TSNAXIP1: variants seen among roughly 807,000 people sequenced by gnomAD.
TSNAXIP1 encodes translin associated factor X interacting protein 1, also known as translin-associated factor X-interacting protein 1.
A neutral mutation model predicts 84.8 loss-of-function variants in TSNAXIP1; 89 were observed. The ratio of observed to expected loss-of-function variants is 1.05; its 90% CI spans 0.88 to 1.25. The LOEUF (loss-of-function observed/expected upper bound fraction) is 1.25, where lower values mean the gene tolerates loss of function less well. Among genes scored for constraint, TSNAXIP1 ranks in the 50% most tolerant of loss-of-function variants. The pLI is 0.00. For synonymous variants in TSNAXIP1, 347 were observed against 335.2 expected (o/e 1.04, Z -0.39); for missense variants, 874 against 887.6 (o/e 0.98, Z 0.20).
chr16:67,827,636 G>A, intron 15 of TSNAXIP1, 57 bp downstream of exon 15: 1 of 1,611,834 alleles, frequency 6.2e-7, no homozygotes, highest in Non-Finnish European at 8.5e-7. Flanking sequence ...AAGCCCCTGG[G>A]TCTCCCTGTG....
intron 2 of TSNAXIP1, among the ~76,000 whole-genome samples, chr16:67,815,060 A>G (rs937213173): frequency 6.6e-6 from 1 of 152,002 alleles, no homozygotes; most frequent in Non-Finnish European, 1.5e-5. Context: ...ACTCATGCCT[A>G]TAATCCCAGT....
chr16:67,813,972 G>T (rs139943304), intron 1 of TSNAXIP1, among the ~76,000 whole-genome samples: 1 of 152,240 alleles, frequency 6.6e-6, no homozygotes, highest in Non-Finnish European at 1.5e-5. Flanking sequence ...GAGTATGCCA[G>T]AGTTGTGTAC....
chr16:67,823,538 G>C (rs774929001), intron 4 of TSNAXIP1, 88 bp from the exon 5 acceptor site: 7 of 1,057,684 alleles, frequency 6.6e-6, no homozygotes, highest in Non-Finnish European at 9.9e-6. Flanking sequence ...GCGACACTCC[G>C]TCTCAGGAAA....
intron 4 of TSNAXIP1, among the ~76,000 whole-genome samples, chr16:67,823,371 C>T (rs2057206211): frequency 6.6e-6 from 1 of 151,824 alleles, no homozygotes; most frequent in African/African-American, 2.4e-5. Context: ...GGTGAAACCT[C>T]ATCTCTACTA....
chr16:67,825,631 C>A, intron 7 of TSNAXIP1, 36 bp from the exon 8 acceptor site: 1 of 1,584,700 alleles, frequency 6.3e-7, no homozygotes, highest in African/African-American at 1.3e-5. Context: ...GAGAAAGCCA[C>A]GGTGACACGG....
intron 1 of TSNAXIP1, among the ~76,000 whole-genome samples, chr16:67,811,981 T>G (rs2056126699): frequency 6.6e-6 from 1 of 152,204 alleles, no homozygotes; most frequent in African/African-American, 2.4e-5. Flanking sequence ...CTGAGCAGCA[T>G]TACAGGGCAG....
intron 2 of TSNAXIP1, among the ~76,000 whole-genome samples, chr16:67,815,132 A>G (rs1223262725): frequency 1.3e-5 from 2 of 152,014 alleles, no homozygotes; most frequent in Admixed American, 1.3e-4. Flanking sequence ...CTTGGCCAAC[A>G]TGGCGAAACC....
chr16:67,825,802 T>A lies in TSNAXIP1; in HGVS notation c.950T>A (p.Met317Lys). Residue 317 changes from methionine (M) to lysine (K), a missense_variant, in exon 8 of 16, where the codon ATG becomes AAG. Transcript: ENST00000561639. Reference sequence around the variant, plus strand: ...GTGGTCCCCAGGAGGGACTTTGAAATGCAGGAGAAGACCAACAAGGATCTT... The same window carrying A: ...GTGGTCCCCAGGAGGGACTTTGAAAAGCAGGAGAAGACCAACAAGGATCTT... Reference protein sequence around the residue: ...GDVVPRRDFEMQEKTNKDLQE... With the variant: ...GDVVPRRDFEKQEKTNKDLQE... 4 of 1,614,020 alleles carry A rather than the reference T, an allele frequency of 2.5e-6. No homozygotes were observed. Among genetic ancestry groups the A allele is most frequent in the Non-Finnish European group, 2.5e-6 (3 of 1,179,974 alleles).
At chr16:67,809,542 G>T (rs1597973645) in intron 1 of TSNAXIP1, among the ~76,000 whole-genome samples, 1 of 151,994 alleles carries the variant, frequency 6.6e-6, no homozygotes, top group African/African-American at 2.4e-5. Context: ...AGAATTGCTT[G>T]AACCCAGGAG....
At position 67,824,454 on chromosome 16, in the gene TSNAXIP1, T is replaced by C. The variant is rs571840978; in HGVS notation, c.482-129T>C. On this transcript the variant is annotated intron_variant, in intron 5 of 15. Coordinates refer to ENST00000561639, the MANE Select transcript of TSNAXIP1 (RefSeq NM_001288990.3). ...GAAGGCCTGAAACAGGGACCATGGC[T>C]TTGAACAAGGCATGCAGAGATTCTT... 67 of 871,228 alleles carry C rather than the reference T, an allele frequency of 7.7e-5. No individual in the cohort carries two copies. The East Asian group carries it at 1.6e-3, about 21-fold the overall frequency. 54.0% of individuals were successfully genotyped at this position (871,228 alleles called of 1,614,324 possible).
At position 67,826,045 on chromosome 16, in the gene TSNAXIP1, C is replaced by A. The variant is rs766201077; in HGVS notation, c.1113C>A (p.Ser371=). 2.5e-6 allele frequency: 4 copies of A among 1,613,780 alleles called. No individual in the cohort carries two copies. The South Asian group carries it at 4.4e-5, about 18-fold the overall frequency. Residue 371 remains serine (S), a synonymous_variant, in exon 9 of 16, where the codon TCC becomes TCA. Transcript: ENST00000561639. ...AGCTGCAGGAGATCCAGCGCACTTC[C>A]ACGCCGCGGCCTGACTGGACCAAGT... The part of the protein sequence containing the change: ...FSELQEIQRT[S]TPRPDWTKCK...
chr16:67,821,732 G>A (rs1320347021), intron 4 of TSNAXIP1, among the ~76,000 whole-genome samples: 1 of 152,088 alleles, frequency 6.6e-6, no homozygotes, highest in Non-Finnish European at 1.5e-5. Context: ...GCTCATGCCT[G>A]TAATCCCAGC....
At chr16:67,807,291 C>T (rs1203885693) in intron 1 of TSNAXIP1, 95 bp downstream of exon 1, 1 of 1,534,918 alleles carries the variant, frequency 6.5e-7, no homozygotes, top group African/African-American at 1.4e-5. Context: ...CTCCTGCTGG[C>T]CTCTGACCAT....
chr16:67,826,735 G>A lies in TSNAXIP1; in HGVS notation c.1445G>A (p.Arg482His), dbSNP rs763591980. ...PDFFFNFLEH[R>H]FGPSDAMAWA... The stretch of plus-strand genomic sequence containing the variant: ...TTCTTCTTCAATTTCCTGGAGCATC[G>A]CTTTGGGCCCAGTGATGCCATGGCC... The change falls in exon 12 of 16, where the codon CGC becomes CAC. Residue 482 changes from arginine to histidine, a missense_variant. Physicochemically the swap from Arg to His is conservative, Grantham distance 29. Coordinates refer to ENST00000561639, the MANE Select transcript of TSNAXIP1 (RefSeq NM_001288990.3). 8.1e-6 allele frequency: 13 copies of A among 1,613,942 alleles called. No homozygotes were observed. Among genetic ancestry groups the A allele is most frequent in the East Asian group, 4.5e-5 (2 of 44,890 alleles).
Position 67,826,292 on chromosome 16 carries a change from GC to G in TSNAXIP1, c.1275+14del. The G allele has an allele frequency of 6.3e-7, 1 of 1,575,542 alleles. No homozygotes were observed. Among genetic ancestry groups the G allele is most frequent in the Non-Finnish European group, 8.6e-7 (1 of 1,159,078 alleles). On this transcript the variant is annotated intron_variant, in intron 10 of 15. Coordinates refer to ENST00000561639, the MANE Select transcript of TSNAXIP1 (RefSeq NM_001288990.3). ...CTTCTTCCCTGGTCTGGTAGGGGAG[GC>G]CCCAGGAGTGGGGCTTGGGCCAGAG...
intron 2 of TSNAXIP1, among the ~76,000 whole-genome samples, chr16:67,819,481 T>G (rs2056856995): frequency 1.3e-5 from 2 of 151,842 alleles, no homozygotes; most frequent in African/African-American, 4.8e-5. Flanking sequence ...TGACCTCAAG[T>G]GATCTGCCCA....
rs200184310 is a variant in TSNAXIP1 at position 67,823,703 on chromosome 16, G to A, written c.465G>A (p.Ala155=). 3.5e-4 allele frequency: 561 copies of A among 1,612,970 alleles called. No individual in the cohort carries two copies. The highest frequency in any genetic ancestry group is 1.3e-3 in the Middle Eastern group (8 of 6,070). Residue 155 remains alanine (A), a synonymous_variant, in exon 5 of 16, where the codon GCG becomes GCA. Coordinates refer to ENST00000561639, the MANE Select transcript of TSNAXIP1 (RefSeq NM_001288990.3). ...CATTACTATCCTCCATCAAGAATGC[G>A]TATGAGGGGATGCTGGGTAAGAATG... ...YKPLLSSIKN[A]YEGMLAHQRE...
chr16:67,814,639 T>C (rs925269107), intron 2 of TSNAXIP1, among the ~76,000 whole-genome samples: 6 of 152,094 alleles, frequency 3.9e-5, no homozygotes, highest in Non-Finnish European at 5.9e-5. Context: ...CGGATCTCCC[T>C]AGGCAGAGAG....
At chr16:67,821,278 T>A in intron 4 of TSNAXIP1, 53 bp downstream of exon 4, 1 of 1,585,736 alleles carries the variant, frequency 6.3e-7, no homozygotes, top group Non-Finnish European at 8.6e-7. Flanking sequence ...GGGAAGAAGC[T>A]TCACCTACCG....
Sources: allele counts gnomAD v4.1 joint callset (sites outside exome capture counted in the v4.1 genomes callset), GRCh38; gene constraint gnomAD v4.1.1; transcripts MANE v1.5; gene names NCBI Gene and HGNC (gene_info 2026-07-23, HGNC 2026-07-21).